Variants in CAPS2 observed in about 807,000 individuals in gnomAD.
CAPS2 encodes calcyphosine 2.
Under a neutral mutation model 86.5 loss-of-function variants are expected in CAPS2, and 98 were observed. The ratio of observed to expected loss-of-function variants is 1.13; its 90% CI spans 0.96 to 1.34. The LOEUF (loss-of-function observed/expected upper bound fraction) is 1.34, where lower values mean the gene tolerates loss of function less well. CAPS2 is among the 40% of genes most tolerant of loss of function. The pLI is 0.00. For synonymous variants in CAPS2, 210 were observed against 225.1 expected (o/e 0.93, Z 0.60); for missense variants, 729 against 686.8 (o/e 1.06, Z -0.69).
intron 7 of CAPS2, among the ~76,000 whole-genome samples, chr12:75,309,275 G>A (rs890002721): frequency 3.3e-5 from 5 of 152,104 alleles, no homozygotes; most frequent in Non-Finnish European, 5.9e-5. Flanking sequence ...AGCTCAGTCC[G>A]CTCCCCCACT....
In CAPS2 at chr12:75,374,088, A is replaced by G. The variant is rs544996875; in HGVS notation, c.-395+16750T>C. ...GAAGATAGCAGGGCTTTGCTCCAAA[A>G]TCCTAGGGGTCTCTACTGTGATTCA... On this transcript the variant is annotated intron_variant, in intron 1 of 5. Coordinates refer to the CAPS2 transcript ENST00000551829. 2.6e-5 allele frequency among the ~76,000 whole-genome samples: 4 copies of G among 152,276 alleles called. No individual in the cohort carries two copies. In the South Asian group the frequency reaches 8.3e-4, roughly 32 times the overall value.
At chr12:75,321,670 A>T in intron 4 of CAPS2, 94 bp from the exon 5 acceptor site, 1 of 872,594 alleles carries the variant, frequency 1.1e-6, no homozygotes, top group South Asian at 1.5e-5. Flanking sequence ...CTTAGCATCC[A>T]TTCCTTAAAA....
intron 1 of CAPS2, among the ~76,000 whole-genome samples, chr12:75,362,035 A>G (rs1593820186): frequency 6.6e-6 from 1 of 152,198 alleles, no homozygotes; most frequent in Non-Finnish European, 1.5e-5. Context: ...CATTAAAATT[A>G]AAAATAACTA....
At chr12:75,277,981 C>T (rs2033213234) in exon 17 of CAPS2, 2 of 887,042 alleles carry the variant, frequency 2.3e-6, no homozygotes, top group Admixed American at 6.2e-5. Context: ...ATCATACATT[C>T]ATTTTAGGAT....
chr12:75,276,477 C>T (rs186743561), downstream of CAPS2: 116 of 978,266 alleles, frequency 1.2e-4, no homozygotes, highest in Non-Finnish European at 1.3e-4. Context: ...AAGTGACTGC[C>T]TCTATGCAGA....
chr12:75,302,412 T>C (rs1011749687), intron 8 of CAPS2, among the ~76,000 whole-genome samples: 2 of 152,200 alleles, frequency 1.3e-5, no homozygotes, highest in South Asian at 2.1e-4. Context: ...GTCATAACCA[T>C]GCATATAACA....
At position 75,323,117 on chromosome 12, in the gene CAPS2, T is replaced by A. The variant is rs1282858213; in HGVS notation, c.178-30A>T. 6 of 1,499,968 alleles carry A rather than the reference T, an allele frequency of 4.0e-6. No individual in the cohort carries two copies. The South Asian group carries it at 6.0e-5, about 15-fold the overall frequency. The allele number at this position is 1,499,968 out of a possible 1,614,324, so 92.9% of individuals were successfully genotyped here. A position where few individuals can be genotyped will look rare whatever the true frequency, so the allele number is the denominator to read the frequency against. ...AAAATAAAGTTAATGATATTTCTTA[T>A]ATGCTATGTGTAATATTGTGTTTTA... On this transcript the variant is annotated intron_variant, in intron 3 of 16. Coordinates refer to ENST00000393284, the Ensembl canonical transcript of CAPS2.
chr12:75,351,941 CA>C lies in CAPS2; in HGVS notation c.-394-28720del, dbSNP rs1358285067. 3.9e-5 allele frequency among the ~76,000 whole-genome samples: 6 copies of C among 152,102 alleles called. No individual in the cohort carries two copies. The East Asian group carries it at 1.2e-3, about 29-fold the overall frequency. The stretch of plus-strand genomic sequence containing the variant: ...GCGAAGGAGAAATGAGATTTTTTTT[CA>C]GACAAGCAAATGCTGAGGGAATTCA... On this transcript the variant is annotated intron_variant, in intron 1 of 5. Transcript: ENST00000551829.
intron 1 of CAPS2, among the ~76,000 whole-genome samples, chr12:75,367,639 G>A (rs1479666990): frequency 6.6e-6 from 1 of 151,920 alleles, no homozygotes; most frequent in Non-Finnish European, 1.5e-5. Flanking sequence ...AAATTTAAAT[G>A]CTTTTGTATA....
At chr12:75,287,240 T>A (rs1199307638) in intron 14 of CAPS2, among the ~76,000 whole-genome samples, 1 of 152,012 alleles carries the variant, frequency 6.6e-6, no homozygotes, top group Non-Finnish European at 1.5e-5. Context: ...TCTCTCTCTC[T>A]CTCTGACCTT....
At chr12:75,365,594 G>T (rs1401995147) in intron 1 of CAPS2, among the ~76,000 whole-genome samples, 6 of 152,170 alleles carry the variant, frequency 3.9e-5, no homozygotes, top group African/African-American at 1.2e-4. Context: ...ATGTTGCCCA[G>T]AGAGTTAATG....
In CAPS2 at chr12:75,369,426, T is replaced by C. The variant is rs1000812681; in HGVS notation, c.-395+21412A>G. ...ATTATATCCAAAGCTAGAATCATGC[T>C]GAATACGTAGTAGAAGGTCAAAAAA... On this transcript the variant is annotated intron_variant, in intron 1 of 5. Coordinates refer to the CAPS2 transcript ENST00000551829. The C allele has an allele frequency of 5.0e-5, 33 of 656,318 alleles. 1 individual carries two copies. The highest frequency in any genetic ancestry group is 1.5e-3 in the Middle Eastern group (2 of 1,306). 40.7% of individuals were successfully genotyped at this position (656,318 alleles called of 1,614,324 possible). A position where few individuals can be genotyped will look rare whatever the true frequency, so the allele number is the denominator to read the frequency against.
exon 10 of CAPS2, chr12:75,298,912 T>C (rs774056165): frequency 6.2e-6 from 10 of 1,611,672 alleles, no homozygotes; most frequent in Non-Finnish European, 8.5e-6. Context: ...TTGTAAGGGA[T>C]TGGTCATGAG....
At chr12:75,387,898 T>A (rs545024419) in intron 1 of CAPS2, among the ~76,000 whole-genome samples, 10 of 152,350 alleles carry the variant, frequency 6.6e-5, no homozygotes, top group African/African-American at 2.4e-4. Context: ...AACATATAGT[T>A]ATGATCCAGC....
intron 1 of CAPS2, chr12:75,370,467 T>G (rs113885066): frequency 7.3e-5 from 16 of 218,366 alleles, no homozygotes; most frequent in African/African-American, 3.6e-4. Flanking sequence ...ATAGTACATT[T>G]AGAGAACTAA....
intron 15 of CAPS2, 91 bp downstream of exon 15, chr12:75,284,870 A>G (rs2138109951): frequency 1.7e-6 from 2 of 1,202,680 alleles, no homozygotes; most frequent in Non-Finnish European, 2.3e-6. Flanking sequence ...TAGATTTAAA[A>G]CTTTTAAATG....
intron 1 of CAPS2, among the ~76,000 whole-genome samples, chr12:75,379,991 G>A (rs920583739): frequency 4.0e-5 from 6 of 151,714 alleles, no homozygotes; most frequent in South Asian, 4.2e-4. Flanking sequence ...GTAACCCTTC[G>A]ATTAAATCAA....
At chr12:75,374,086 A>C (rs1392417893) in intron 1 of CAPS2, among the ~76,000 whole-genome samples, 1 of 152,190 alleles carries the variant, frequency 6.6e-6, no homozygotes. Flanking sequence ...CTTTGCTCCA[A>C]AATCCTAGGG....
rs1329623081 is a variant in CAPS2, at chr12:75,316,435, C to G, written c.469-1G>C. ...TGTTGGCTTCTTCATCTTGCACACA[C>G]TATGCATGAAAGAAATAAATGAAGC... is the stretch of plus-strand genomic sequence containing the variant. On this transcript the variant is annotated splice_acceptor_variant, in intron 5 of 16. Coordinates refer to ENST00000393284, the Ensembl canonical transcript of CAPS2. LOFTEE classifies it high-confidence loss of function. 1 of 1,537,336 alleles carries G rather than the reference C, an allele frequency of 6.5e-7. No individual in the cohort carries two copies. The highest frequency in any genetic ancestry group is 8.8e-7 in the Non-Finnish European group (1 of 1,141,614).
Sources: allele counts gnomAD v4.1 joint callset (sites outside exome capture counted in the v4.1 genomes callset), GRCh38; gene constraint gnomAD v4.1.1; transcripts MANE v1.5; gene names NCBI Gene and HGNC (gene_info 2026-07-23, HGNC 2026-07-21).